The following DPYSL3 variants were observed in gnomAD, a reference collection of about 807,000 sequenced individuals.
The protein encoded by DPYSL3 is dihydropyrimidinase-related protein 3.
In DPYSL3, 16 loss-of-function variants were observed where a neutral mutation model predicts 66.1. That is an observed-to-expected ratio of 0.24 (90% CI 0.16 to 0.37). The LOEUF (loss-of-function observed/expected upper bound fraction) is 0.37. DPYSL3 is among the 10% of genes least tolerant of loss of function. DPYSL3 has a pLI of 1.00. For missense variants in DPYSL3, 738 were observed against 916.2 expected (o/e 0.81, Z 2.51); for synonymous variants, 338 against 345.1 (o/e 0.98, Z 0.23).
At chr5:147,394,253 A>T (rs934756847) in intron 13 of DPYSL3, 130 bp from the exon 14 acceptor site, 1 of 866,126 alleles carries the variant, frequency 1.2e-6, no homozygotes, top group African/African-American at 1.7e-5. Context: ...CTCACCTCCC[A>T]AGAAACTTCC....
chr5:147,453,736 T>G, intron 1 of DPYSL3: 1 of 1,302,430 alleles, frequency 7.7e-7, no homozygotes, highest in South Asian at 2.2e-5. Flanking sequence ...TCCGCCCCCC[T>G]CCCGGGCTCC....
intron 3 of DPYSL3, 129 bp downstream of exon 3, chr5:147,418,318 C>T: frequency 2.2e-6 from 2 of 928,872 alleles, no homozygotes; most frequent in Non-Finnish European, 3.1e-6. Flanking sequence ...TCTCAGGTCC[C>T]ATCAGGCAAC....
At chr5:147,424,033 G>C (rs1165661395) in intron 2 of DPYSL3, among the ~76,000 whole-genome samples, 1 of 152,150 alleles carries the variant, frequency 6.6e-6, no homozygotes, top group Non-Finnish European at 1.5e-5. Context: ...CCGACCGCAA[G>C]CTGTTTTGAA....
intron 1 of DPYSL3, among the ~76,000 whole-genome samples, chr5:147,482,095 G>T (rs1204483477): frequency 1.3e-5 from 2 of 152,154 alleles, no homozygotes; most frequent in East Asian, 3.9e-4. Context: ...CATGAGAAAT[G>T]ATCCAGATAA....
intron 1 of DPYSL3, among the ~76,000 whole-genome samples, chr5:147,495,274 A>C (rs1407739796): frequency 6.6e-6 from 1 of 152,192 alleles, no homozygotes; most frequent in Admixed American, 6.5e-5. Flanking sequence ...ATCTATGACA[A>C]ACCCACAGCC....
At chr5:147,461,698 C>T (rs77353106) in intron 1 of DPYSL3, among the ~76,000 whole-genome samples, 1 of 152,162 alleles carries the variant, frequency 6.6e-6, no homozygotes, top group Non-Finnish European at 1.5e-5. Flanking sequence ...AACATAGCTT[C>T]TCTGTTAGAG....
intron 1 of DPYSL3, among the ~76,000 whole-genome samples, chr5:147,443,401 G>A (rs532267369): frequency 3.2e-4 from 48 of 152,228 alleles, no homozygotes; most frequent in African/African-American, 9.4e-4. Flanking sequence ...GACACCGCAT[G>A]TTCTCACTTA....
At chr5:147,463,061 A>G (rs533222775) in intron 1 of DPYSL3, among the ~76,000 whole-genome samples, 1 of 152,308 alleles carries the variant, frequency 6.6e-6, no homozygotes, top group South Asian at 2.1e-4. Context: ...TGGTACATCC[A>G]GGATTGGCCA....
In DPYSL3 at chr5:147,395,711, A is replaced by T. The variant is rs1296604219; in HGVS notation, c.1814T>A (p.Leu605Gln). 1.2e-6 allele frequency: 2 copies of T among 1,613,754 alleles called. No individual in the cohort carries two copies. Among genetic ancestry groups the T allele is most frequent in the Non-Finnish European group, 1.7e-6 (2 of 1,180,018 alleles). Residue 605 changes from leucine (L) to glutamine (Q), a missense_variant, in exon 13 of 14, where the codon CTG becomes CAG. Coordinates refer to ENST00000343218, the MANE Select transcript of DPYSL3 (RefSeq NM_001197294.2). The stretch of plus-strand genomic sequence containing the variant: ...GTACATGCCCCTTGGGACGGCATGC[A>T]GGTCTGCCATCTGCAGCCAGAGAAG... ...RIKARRKMADLHAVPRGMYDG... is the reference protein window; with the variant it reads ...RIKARRKMADQHAVPRGMYDG...
intron 1 of DPYSL3, chr5:147,453,807 C>A (rs886239418): frequency 4.9e-6 from 6 of 1,224,998 alleles, no homozygotes; most frequent in South Asian, 2.6e-5. Context: ...CCCGCCCCCC[C>A]ACGCACACCC....
At chr5:147,406,487 T>C (rs1215572091) in intron 7 of DPYSL3, among the ~76,000 whole-genome samples, 2 of 152,162 alleles carry the variant, frequency 1.3e-5, no homozygotes, top group African/African-American at 4.8e-5. Flanking sequence ...AGTTTCCTTG[T>C]CTGTAAATTG....
Position 147,483,086 on chromosome 5 carries a change from C to A in DPYSL3, c.381+26392G>T, listed in dbSNP as rs141645207. ...TCAAGATGAGATCTGGGTGGGGACA[C>A]AAAGCAAAACCATATGGCGGTGCTC... On this transcript the variant is annotated intron_variant, in intron 1 of 13. Transcript: ENST00000343218. Among the ~76,000 whole-genome samples the A allele has an allele frequency of 7.8e-4, 119 of 152,144 alleles. 1 individual carries two copies. The highest frequency in any genetic ancestry group is 2.7e-3 in the African/African-American group (114 of 41,484).
At chr5:147,472,975 T>A (rs1483458518) in intron 1 of DPYSL3, 1 of 152,176 alleles carries the variant, frequency 6.6e-6, no homozygotes, top group East Asian at 1.9e-4. Context: ...TCTTGTCAAA[T>A]TTTTCAGCCA....
At chr5:147,447,794 C>T (rs748266077) in intron 1 of DPYSL3, among the ~76,000 whole-genome samples, 5 of 152,150 alleles carry the variant, frequency 3.3e-5, no homozygotes, top group African/African-American at 4.8e-5. Context: ...GCTGAGATCG[C>T]GCCACTGCAC....
At chr5:147,480,922 A>G (rs1279037998) in intron 1 of DPYSL3, among the ~76,000 whole-genome samples, 1 of 151,928 alleles carries the variant, frequency 6.6e-6, no homozygotes, top group African/African-American at 2.4e-5. Context: ...GGGTTTCTCC[A>G]TGTTGGTCAG....
intron 1 of DPYSL3, among the ~76,000 whole-genome samples, chr5:147,502,460 A>T (rs1421059034): frequency 1.3e-5 from 2 of 151,896 alleles, no homozygotes. Flanking sequence ...TCTCCAGAAG[A>T]TGATGAGGAA....
At chr5:147,466,252 G>A (rs1753009432) in intron 1 of DPYSL3, among the ~76,000 whole-genome samples, 1 of 152,122 alleles carries the variant, frequency 6.6e-6, no homozygotes, top group African/African-American at 2.4e-5. Context: ...CCCCTGCCTG[G>A]TTTATGGTCA....
intron 1 of DPYSL3, among the ~76,000 whole-genome samples, chr5:147,463,537 T>A (rs1279349712): frequency 6.6e-6 from 1 of 152,072 alleles, no homozygotes; most frequent in Non-Finnish European, 1.5e-5. Context: ...ATGTATTGCA[T>A]TGTTAATGCC....
chr5:147,421,183 A>G (rs1418641505), intron 2 of DPYSL3, among the ~76,000 whole-genome samples: 1 of 152,270 alleles, frequency 6.6e-6, no homozygotes, highest in Non-Finnish European at 1.5e-5. Flanking sequence ...GATAAAAATC[A>G]ATGTGCAAAA....
Sources: gnomAD v4.1 joint callset for allele counts (sites outside exome capture counted in the v4.1 genomes callset) on GRCh38, gnomAD v4.1.1 for gene constraint, MANE v1.5 for transcripts, NCBI Gene and HGNC (gene_info 2026-07-23, HGNC 2026-07-21) for gene names.